The following KCNQ3 variants were observed in gnomAD, a reference collection of about 807,000 sequenced individuals.
The protein encoded by KCNQ3 is potassium voltage-gated channel subfamily KQT member 3.
In KCNQ3, 30 loss-of-function variants were observed where a neutral mutation model predicts 92.5. The ratio of observed to expected loss-of-function variants is 0.32; its 90% CI spans 0.24 to 0.44. The LOEUF is 0.44. KCNQ3 is among the 20% of genes least tolerant of loss of function. KCNQ3 has a pLI of 1.00. For missense variants in KCNQ3, 913 were observed against 1,140.3 expected (o/e 0.80, Z 2.87); for synonymous variants, 450 against 468.8 (o/e 0.96, Z 0.52).
chr8:132,177,023 A>G (rs759831121), intron 4 of KCNQ3, among the ~76,000 whole-genome samples: 2 of 152,196 alleles, frequency 1.3e-5, no homozygotes, highest in Non-Finnish European at 1.5e-5. Context: ...GGAAACGTAC[A>G]TGGACTAGTC....
intron 1 of KCNQ3, among the ~76,000 whole-genome samples, chr8:132,246,438 G>A (rs1190445882): frequency 6.6e-6 from 1 of 152,202 alleles, no homozygotes. Context: ...TCAGGGTATT[G>A]CTGGAGTTTT....
intron 1 of KCNQ3, among the ~76,000 whole-genome samples, chr8:132,395,289 T>C (rs951117141): frequency 3.3e-5 from 5 of 152,222 alleles, no homozygotes; most frequent in South Asian, 4.1e-4. Flanking sequence ...ATCCCCCTTC[T>C]AGCAATTTGA....
chr8:132,144,494 A>G (rs1421602689), intron 9 of KCNQ3, among the ~76,000 whole-genome samples: 1 of 152,234 alleles, frequency 6.6e-6, no homozygotes, highest in African/African-American at 2.4e-5. Context: ...CCTTCCCCAG[A>G]GATGACATCA....
chr8:132,184,497 GC>G, intron 2 of KCNQ3, 130 bp from the exon 3 acceptor site: 2 of 978,632 alleles, frequency 2.0e-6, no homozygotes, highest in Middle Eastern at 2.2e-4. Context: ...GGCAGGGATG[GC>G]TGGGGATGGG....
intron 1 of KCNQ3, among the ~76,000 whole-genome samples, chr8:132,338,225 G>A (rs1279780538): frequency 6.6e-6 from 1 of 152,174 alleles, no homozygotes; most frequent in African/African-American, 2.4e-5. Flanking sequence ...AGGTGAGGAG[G>A]CTTAGGCATG....
chr8:132,166,297 C>T (rs2130090446), intron 8 of KCNQ3, among the ~76,000 whole-genome samples: 1 of 152,300 alleles, frequency 6.6e-6, no homozygotes, highest in African/African-American at 2.4e-5. Context: ...AAAAGCCAGA[C>T]ATAATTCCAC....
intron 1 of KCNQ3, among the ~76,000 whole-genome samples, chr8:132,345,899 T>C (rs561880715): frequency 6.6e-6 from 1 of 151,988 alleles, no homozygotes; most frequent in South Asian, 2.1e-4. Flanking sequence ...GTGATGATGA[T>C]GATGATGACT....
At chr8:132,432,979 A>C (rs1322648013) in intron 1 of KCNQ3, among the ~76,000 whole-genome samples, 3 of 152,230 alleles carry the variant, frequency 2.0e-5, no homozygotes, top group Non-Finnish European at 4.4e-5. Flanking sequence ...ATTCTGGGTT[A>C]GATAAAATCA....
intron 1 of KCNQ3, among the ~76,000 whole-genome samples, chr8:132,392,253 T>G (rs1175324443): frequency 1.3e-5 from 2 of 152,178 alleles, no homozygotes; most frequent in Non-Finnish European, 2.9e-5. Context: ...GAACTCATCT[T>G]TTGCTCCTGC....
At chr8:132,136,173 C>T (rs1298152361) in intron 12 of KCNQ3, among the ~76,000 whole-genome samples, 4 of 133,626 alleles carry the variant, frequency 3.0e-5, no homozygotes. Context: ...TGGAGAATTA[C>T]ACCTCCAAGC....
intron 1 of KCNQ3, among the ~76,000 whole-genome samples, chr8:132,284,298 G>T (rs1816617506): frequency 6.6e-6 from 1 of 152,254 alleles, no homozygotes; most frequent in Admixed American, 6.5e-5. Context: ...GTGACCAGGG[G>T]TAAATATACC....
At chr8:132,302,403 G>A (rs548571753) in intron 1 of KCNQ3, among the ~76,000 whole-genome samples, 1 of 152,314 alleles carries the variant, frequency 6.6e-6, no homozygotes, top group South Asian at 2.1e-4. Flanking sequence ...GAACAGTCAG[G>A]TCTTTCTTGT....
intron 1 of KCNQ3, among the ~76,000 whole-genome samples, chr8:132,433,607 A>G (rs1821308206): frequency 1.3e-5 from 2 of 152,366 alleles, no homozygotes; most frequent in Non-Finnish European, 1.5e-5. Flanking sequence ...ATAAACTAAT[A>G]GGCTGGGCAC....
chr8:132,382,270 T>A (rs1273108313), intron 1 of KCNQ3, among the ~76,000 whole-genome samples: 1 of 152,236 alleles, frequency 6.6e-6, no homozygotes, highest in Non-Finnish European at 1.5e-5. Flanking sequence ...CGGAGGCAGA[T>A]CCCTCATGAA....
rs748459358 is a variant in KCNQ3, at chr8:132,480,461, CCCGCCGCCT to C, written c.63_71del (p.Gly22_Gly24del). 7.8e-6 allele frequency: 10 copies of C among 1,274,398 alleles called. No individual in the cohort carries two copies. The South Asian group carries it at 9.3e-5, about 12-fold the overall frequency. The allele number at this position is 1,274,398 out of a possible 1,614,324, so 78.9% of individuals were successfully genotyped here. On this transcript the variant is annotated inframe_deletion, in exon 1 of 15. Transcript: ENST00000388996. ...CGTCCCCTCCGGCTGGGTTAGCCGC[CCCGCCGCCT>C]CCGCCGCCCCCGTCGCCGCCGCCGC...
rs544809222 is a variant in KCNQ3 at position 132,433,321 on chromosome 8, T to C, written c.386+46826A>G. On this transcript the variant is annotated intron_variant, in intron 1 of 14. Coordinates refer to ENST00000388996, the MANE Select transcript of KCNQ3 (RefSeq NM_004519.4). ...TTCATGAAAAACAACCCCTGACTGATGTGTGAGTTTGTTCTGACCCAGCAG... is the reference window on the plus strand; with the variant it reads ...TTCATGAAAAACAACCCCTGACTGACGTGTGAGTTTGTTCTGACCCAGCAG... 5.6e-4 allele frequency among the ~76,000 whole-genome samples: 85 copies of C among 152,318 alleles called. 1 individual carries two copies. The highest frequency in any genetic ancestry group is 2.0e-3 in the African/African-American group (85 of 41,568).
At chr8:132,155,433 A>G (rs536782066) in intron 9 of KCNQ3, among the ~76,000 whole-genome samples, 1 of 152,338 alleles carries the variant, frequency 6.6e-6, no homozygotes, top group African/African-American at 2.4e-5. Context: ...ACCTGGAAAT[A>G]TGGTTGCAAA....
At chr8:132,456,447 A>T (rs2130854361) in intron 1 of KCNQ3, among the ~76,000 whole-genome samples, 1 of 136,074 alleles carries the variant, frequency 7.3e-6, no homozygotes, top group East Asian at 2.3e-4. Context: ...TCCAAACACC[A>T]GGGCTCGGGG....
intron 1 of KCNQ3, among the ~76,000 whole-genome samples, chr8:132,281,246 T>C (rs896809528): frequency 1.3e-5 from 2 of 152,172 alleles, no homozygotes; most frequent in African/African-American, 2.4e-5. Context: ...AGGAAAGCTC[T>C]GTCTCCTGAA....
Sources: allele counts gnomAD v4.1 joint callset (sites outside exome capture counted in the v4.1 genomes callset), GRCh38; gene constraint gnomAD v4.1.1; transcripts MANE v1.5; gene names NCBI Gene and HGNC (gene_info 2026-07-23, HGNC 2026-07-21).